The following PPTC7 variants were observed in gnomAD, a reference collection of about 807,000 sequenced individuals.
The protein encoded by PPTC7 is protein phosphatase PTC7 homolog.
Under a neutral mutation model 30.8 loss-of-function variants are expected in PPTC7, and 6 were observed. That is an observed-to-expected ratio of 0.19 (90% confidence interval 0.11 to 0.38). The LOEUF is 0.38. Among genes scored for constraint, PPTC7 ranks in the 10% least tolerant of loss-of-function variants. PPTC7 has a pLI of 1.00. For missense variants in PPTC7, 218 were observed against 404.8 expected (o/e 0.54, Z 3.96); for synonymous variants, 163 against 168.1 (o/e 0.97, Z 0.23).
At chr12:110,578,566 A>G (rs1355848532) in intron 1 of PPTC7, among the ~76,000 whole-genome samples, 1 of 152,202 alleles carries the variant, frequency 6.6e-6, no homozygotes, top group African/African-American at 2.4e-5. Flanking sequence ...GGACAGATCA[A>G]TTTTAAATTA....
chr12:110,560,882 T>C (rs181201706), intron 1 of PPTC7, among the ~76,000 whole-genome samples: 2 of 152,364 alleles, frequency 1.3e-5, no homozygotes, highest in African/African-American at 4.8e-5. Flanking sequence ...CAAAGAAGCA[T>C]ACTGGCTCTA....
intron 3 of PPTC7, 88 bp downstream of exon 3, chr12:110,545,792 G>T: frequency 8.7e-7 from 1 of 1,151,944 alleles, no homozygotes; most frequent in Non-Finnish European, 1.3e-6. Context: ...TCATGGAAAT[G>T]CCTACCTCAC....
intron 1 of PPTC7, among the ~76,000 whole-genome samples, chr12:110,559,660 A>C (rs1370125898): frequency 6.8e-6 from 1 of 147,154 alleles, no homozygotes; most frequent in African/African-American, 2.5e-5. Flanking sequence ...TGGGAGGTGG[A>C]GGTTGCAATG....
rs146796608 is a variant in PPTC7, at chr12:110,563,232, G to A, written c.224-11264C>T. Reference sequence around the variant, plus strand: ...TTGATTCTCCAGAGATCAAGACTACGTCAAGAACAAGATCTCTAAGCAGAA... The same window carrying A: ...TTGATTCTCCAGAGATCAAGACTACATCAAGAACAAGATCTCTAAGCAGAA... On this transcript the variant is annotated intron_variant, in intron 1 of 5. Coordinates refer to ENST00000354300, the MANE Select transcript of PPTC7 (RefSeq NM_139283.2). 1.2e-3 allele frequency among the ~76,000 whole-genome samples: 185 copies of A among 151,382 alleles called. 3 individuals carry two copies. Among genetic ancestry groups the A allele is most frequent in the African/African-American group, 4.3e-3 (178 of 41,186 alleles).
intron 1 of PPTC7, among the ~76,000 whole-genome samples, chr12:110,568,001 ACAAAC>A (rs1247387858): frequency 6.7e-6 from 1 of 150,038 alleles, no homozygotes; most frequent in African/African-American, 2.5e-5. Context: ...CCCCCAAAAA[ACAAAC>A]CAAACCAAAC....
chr12:110,543,122 A>G (rs1334048460), intron 3 of PPTC7, among the ~76,000 whole-genome samples: 1 of 152,214 alleles, frequency 6.6e-6, no homozygotes, highest in Non-Finnish European at 1.5e-5. Flanking sequence ...AAAAACCCCA[A>G]CACTTGTGTA....
At chr12:110,564,714 G>T (rs1399440729) in intron 1 of PPTC7, among the ~76,000 whole-genome samples, 1 of 151,412 alleles carries the variant, frequency 6.6e-6, no homozygotes, top group Non-Finnish European at 1.5e-5. Context: ...AGCCTGCCAA[G>T]TGTAGAACTG....
At chr12:110,548,428 C>T (rs117607554) in intron 2 of PPTC7, among the ~76,000 whole-genome samples, 2,014 of 152,260 alleles carry the variant, frequency 0.013, 18 homozygotes, top group Non-Finnish European at 0.022. Flanking sequence ...TCATACTATG[C>T]TAGCCATTAA....
chr12:110,541,855 T>C (rs2064262952), intron 3 of PPTC7, among the ~76,000 whole-genome samples: 1 of 151,646 alleles, frequency 6.6e-6, no homozygotes, highest in Non-Finnish European at 1.5e-5. Flanking sequence ...AGAAATATCT[T>C]GATATCTTGA....
At chr12:110,541,815 T>TTCACACAC (rs2064262548) in intron 3 of PPTC7, among the ~76,000 whole-genome samples, 1 of 151,950 alleles carries the variant, frequency 6.6e-6, no homozygotes, top group Non-Finnish European at 1.5e-5. Flanking sequence ...CGTAGGTATT[T>TTCACACAC]ATTAGTGTGC....
intron 2 of PPTC7, among the ~76,000 whole-genome samples, chr12:110,549,016 G>A (rs1415280803): frequency 1.3e-5 from 2 of 152,168 alleles, no homozygotes; most frequent in African/African-American, 4.8e-5. Flanking sequence ...GAACCACAGT[G>A]TAGGATGTTT....
At chr12:110,560,831 C>A (rs964766729) in intron 1 of PPTC7, among the ~76,000 whole-genome samples, 1 of 152,212 alleles carries the variant, frequency 6.6e-6, no homozygotes, top group Non-Finnish European at 1.5e-5. Context: ...TTCCTTGCAT[C>A]TTTGATGATC....
intron 1 of PPTC7, among the ~76,000 whole-genome samples, chr12:110,568,252 C>T (rs144214323): frequency 2.3e-3 from 332 of 145,642 alleles, no homozygotes; most frequent in African/African-American, 7.9e-3. Context: ...CAATCTCATG[C>T]GTTTTTTTTT....
At chr12:110,570,117 T>C (rs1047649227) in intron 1 of PPTC7, among the ~76,000 whole-genome samples, 2 of 151,842 alleles carry the variant, frequency 1.3e-5, no homozygotes, top group Non-Finnish European at 2.9e-5. Flanking sequence ...CATTTTGTTA[T>C]GTACTAAGAA....
rs373235883 is a variant in PPTC7, at chr12:110,546,047, G to A, written c.435C>T (p.Asp145=). The part of the protein sequence containing the change: ...GSSTACIVVL[D]RTSHRLHTAN... ...CTGTGTGTAAGCGGTGGCTGGTTCT[G>A]TCCAGCACCACAATGCAGGCGGTGC... Residue 145 remains aspartate (D), a synonymous_variant, in exon 3 of 6, where the codon GAC becomes GAT. Coordinates refer to ENST00000354300, the MANE Select transcript of PPTC7 (RefSeq NM_139283.2). 1.1e-5 allele frequency: 18 copies of A among 1,613,970 alleles called. No individual in the cohort carries two copies. The highest frequency in any genetic ancestry group is 1.7e-4 in the Middle Eastern group (1 of 6,020).
intron 1 of PPTC7, among the ~76,000 whole-genome samples, chr12:110,570,209 C>CA (rs959577010): frequency 5.4e-5 from 8 of 147,394 alleles, no homozygotes; most frequent in African/African-American, 1.0e-4. Flanking sequence ...TGTGTCAACT[C>CA]AGAGTTGAAT....
At chr12:110,559,267 T>A (rs780302738) in intron 1 of PPTC7, among the ~76,000 whole-genome samples, 3 of 151,990 alleles carry the variant, frequency 2.0e-5, no homozygotes, top group Non-Finnish European at 2.9e-5. Flanking sequence ...TGGGGTCAAG[T>A]GATCCTCCTG....
chr12:110,560,415 T>TA (rs1178280235), intron 1 of PPTC7, among the ~76,000 whole-genome samples: 1 of 148,690 alleles, frequency 6.7e-6, no homozygotes, highest in African/African-American at 2.5e-5. Context: ...AAATAAAAAA[T>TA]AAAAAAAGGT....
intron 1 of PPTC7, among the ~76,000 whole-genome samples, chr12:110,574,685 TA>T (rs1178198773): frequency 6.6e-6 from 1 of 152,232 alleles, no homozygotes; most frequent in East Asian, 1.9e-4. Context: ...GGTCAGCTTT[TA>T]CAAAAAGTCT....
Sources: gnomAD v4.1 joint callset for allele counts (sites outside exome capture counted in the v4.1 genomes callset) on GRCh38, gnomAD v4.1.1 for gene constraint, MANE v1.5 for transcripts, NCBI Gene and HGNC (gene_info 2026-07-23, HGNC 2026-07-21) for gene names.